Variants in RNF169 observed in about 807,000 individuals in gnomAD.
RNF169 encodes the protein ring finger protein 169, also known as E3 ubiquitin-protein ligase RNF169.
Under a neutral mutation model 53.9 loss-of-function variants are expected in RNF169, and 24 were observed. That is an observed-to-expected ratio of 0.45 (90% CI 0.32 to 0.63). The LOEUF is 0.63. Among genes scored for constraint, RNF169 ranks in the 20% least tolerant of loss-of-function variants. RNF169 has a pLI of 0.04. For synonymous variants in RNF169, 396 were observed against 363.5 expected (o/e 1.09, Z -1.02); for missense variants, 883 against 906.2 (o/e 0.97, Z 0.33).
At chr11:74,807,290 T>C (rs1243340119) in intron 2 of RNF169, among the ~76,000 whole-genome samples, 2 of 152,214 alleles carry the variant, frequency 1.3e-5, no homozygotes, top group Non-Finnish European at 2.9e-5. Flanking sequence ...TGGGAGCCAA[T>C]AGATACATGC....
chr11:74,752,573 G>A (rs1246943825), intron 1 of RNF169, among the ~76,000 whole-genome samples: 1 of 149,146 alleles, frequency 6.7e-6, no homozygotes. Context: ...CTCCAGCCTG[G>A]TGGCAGAGCA....
rs1026247393 is a variant in RNF169 at position 74,837,421 on chromosome 11, A to G, written c.*691A>G. On this transcript the variant is annotated 3_prime_UTR_variant, in exon 6 of 6. Coordinates refer to ENST00000299563, the MANE Select transcript of RNF169 (RefSeq NM_001098638.2). ...CAGTGCAGATGTTCTGGTTCTCTCA[A>G]CTACCAAGTGGCATAACCCATGGAT... 7 of 152,268 alleles carry G rather than the reference A, an allele frequency of 4.6e-5. No homozygotes were observed. The highest frequency in any genetic ancestry group is 2.0e-4 in the Admixed American group (3 of 15,286). 9.4% of individuals were successfully genotyped at this position (152,268 alleles called of 1,614,324 possible).
rs933462646 is a variant in RNF169 at position 74,837,245 on chromosome 11, A to G, written c.*515A>G. 6 of 153,076 alleles carry G rather than the reference A, an allele frequency of 3.9e-5. No individual in the cohort carries two copies. The South Asian group carries it at 1.2e-3, about 32-fold the overall frequency. 9.5% of individuals were successfully genotyped at this position (153,076 alleles called of 1,614,324 possible). Reference sequence around the variant, plus strand: ...ATATATCAGTTAAGATTATGCCTTTACAAAAGTTAATTTACATTCTCTGTT... The same window carrying G: ...ATATATCAGTTAAGATTATGCCTTTGCAAAAGTTAATTTACATTCTCTGTT... On this transcript the variant is annotated 3_prime_UTR_variant, in exon 6 of 6. Coordinates refer to ENST00000299563, the MANE Select transcript of RNF169 (RefSeq NM_001098638.2).
rs1245154568 is a variant in RNF169, at chr11:74,839,164, C to A, written c.*2434C>A. On this transcript the variant is annotated 3_prime_UTR_variant, in exon 6 of 6. Transcript: ENST00000299563. The stretch of plus-strand genomic sequence containing the variant: ...CTAGGTCCAGCTTACTGCCTTCCCC[C>A]CTTGTACCTACAGTGATGCCTAGGA... The A allele has an allele frequency of 6.6e-6, 1 of 152,114 alleles. No individual in the cohort carries two copies. Among genetic ancestry groups the A allele is most frequent in the African/African-American group, 2.4e-5 (1 of 41,408 alleles). 9.4% of individuals were successfully genotyped at this position (152,114 alleles called of 1,614,324 possible).
At chr11:74,774,514 A>T (rs745889862) in intron 1 of RNF169, among the ~76,000 whole-genome samples, 4 of 152,168 alleles carry the variant, frequency 2.6e-5, no homozygotes, top group African/African-American at 9.7e-5. Flanking sequence ...GATTCAACTT[A>T]CCCATTGAAC....
chr11:74,757,918 G>C (rs1383847732), intron 1 of RNF169, among the ~76,000 whole-genome samples: 2 of 73,636 alleles, frequency 2.7e-5, no homozygotes, highest in Non-Finnish European at 4.5e-5. Context: ...AGATGAGTAG[G>C]TTGCGAAAAT....
At chr11:74,829,441 T>C (rs2036144747) in intron 4 of RNF169, among the ~76,000 whole-genome samples, 1 of 152,170 alleles carries the variant, frequency 6.6e-6, no homozygotes, top group Admixed American at 6.5e-5. Context: ...TGGTGATTCC[T>C]CAAAAACCTA....
Position 74,836,484 on chromosome 11 carries a change from G to T in RNF169, c.1881G>T (p.Lys627Asn), listed in dbSNP as rs1565190060. ...GTCGAGGCCGGAAAAGACACTGCAA[G>T]ACCAAGCACTTAGAACAAAATGGCT... ...SLRRGRKRHC[K>N]TKHLEQNGSL... Residue 627 changes from lysine (K) to asparagine (N), a missense_variant, in exon 6 of 6, where the codon AAG (lysine) becomes AAT (asparagine). Lys to Asn is a moderately conservative substitution (Grantham distance 94). Around this residue, in one of 3 missense-constraint regions of RNF169, gnomAD observed 351 missense variants for 337.3 expected, o/e 1.04. Transcript: ENST00000299563. 1.9e-6 allele frequency: 3 copies of T among 1,614,190 alleles called. No individual in the cohort carries two copies. The highest frequency in any genetic ancestry group is 2.5e-6 in the Non-Finnish European group (3 of 1,180,036).
intron 4 of RNF169, among the ~76,000 whole-genome samples, chr11:74,818,316 C>CA (rs758090688): frequency 2.0e-5 from 3 of 152,136 alleles, no homozygotes; most frequent in Non-Finnish European, 2.9e-5. Context: ...AAGGAGGACT[C>CA]ATGCATACAT....
intron 1 of RNF169, among the ~76,000 whole-genome samples, chr11:74,750,712 T>A (rs1002333689): frequency 6.7e-6 from 1 of 148,946 alleles, no homozygotes; most frequent in Admixed American, 6.8e-5. Flanking sequence ...TTCAAGCGAT[T>A]CTCCTGCCGC....
Position 74,749,082 on chromosome 11 carries a change from T to C in RNF169, c.202T>C (p.Cys68Arg). The C allele has an allele frequency of 6.9e-7, 1 of 1,448,630 alleles. No homozygotes were observed. The highest frequency in any genetic ancestry group is 2.4e-5 in the Admixed American group (1 of 41,116). The allele number at this position is 1,448,630 out of a possible 1,614,324, so 89.7% of individuals were successfully genotyped here. Residue 68 changes from cysteine (C) to arginine (R), a missense_variant, in exon 1 of 6, where the codon TGC (cysteine) becomes CGC (arginine). Around this residue, in one of 3 missense-constraint regions of RNF169, gnomAD observed 313 missense variants for 279.9 expected, o/e 1.12. Coordinates refer to ENST00000299563, the MANE Select transcript of RNF169 (RefSeq NM_001098638.2). The part of the protein sequence containing the change: ...PLPPRPEESG[C>R]AGCLEPPGEA... ...GCCGCCGCGGCCGGAGGAATCGGGC[T>C]GCGCCGGGTGCCTGGAGCCCCCCGG...
At chr11:74,785,174 A>ATATATATATATGATATATATATGT (rs2035472791) in intron 1 of RNF169, among the ~76,000 whole-genome samples, 1 of 64,800 alleles carries the variant, frequency 1.5e-5, no homozygotes, top group African/African-American at 1.7e-4. Context: ...TATATATATG[A>ATATATATATATGATATATATATGT]TATATATATA....
At chr11:74,806,425 C>T (rs568117336) in intron 2 of RNF169, among the ~76,000 whole-genome samples, 17 of 152,276 alleles carry the variant, frequency 1.1e-4, no homozygotes, top group East Asian at 5.8e-4. Context: ...ACTGTGGCTG[C>T]GTACCTTATG....
At chr11:74,820,962 A>G (rs1463066266) in intron 4 of RNF169, among the ~76,000 whole-genome samples, 1 of 152,194 alleles carries the variant, frequency 6.6e-6, no homozygotes, top group Non-Finnish European at 1.5e-5. Context: ...AATGTGTGAC[A>G]TCACTGTTTT....
At position 74,840,143 on chromosome 11, in the gene RNF169, G is replaced by T. The variant is rs932291143; in HGVS notation, c.*3413G>T. On this transcript the variant is annotated 3_prime_UTR_variant, in exon 6 of 6. Coordinates refer to ENST00000299563, the MANE Select transcript of RNF169 (RefSeq NM_001098638.2). ...TGACTCATGTAGCTGATGACCGAAG[G>T]CTCATCCTTTCTTTTCTATTTGACA... 1 of 152,166 alleles carries T rather than the reference G, an allele frequency of 6.6e-6. No individual in the cohort carries two copies. Among genetic ancestry groups the T allele is most frequent in the Admixed American group, 6.5e-5 (1 of 15,284 alleles). 9.4% of individuals were successfully genotyped at this position (152,166 alleles called of 1,614,324 possible).
At chr11:74,769,368 T>G (rs2135323390) in intron 1 of RNF169, among the ~76,000 whole-genome samples, 1 of 152,346 alleles carries the variant, frequency 6.6e-6, no homozygotes, top group South Asian at 2.1e-4. Flanking sequence ...AATGAGCACC[T>G]ATATACTGCT....
intron 1 of RNF169, among the ~76,000 whole-genome samples, chr11:74,751,660 TATTC>T (rs2034897033): frequency 6.6e-6 from 1 of 152,260 alleles, no homozygotes; most frequent in Non-Finnish European, 1.5e-5. Flanking sequence ...AGTCACTTAG[TATTC>T]ATTAATTACT....
At chr11:74,765,375 A>G (rs1183142712) in intron 1 of RNF169, among the ~76,000 whole-genome samples, 2 of 152,274 alleles carry the variant, frequency 1.3e-5, no homozygotes, top group Non-Finnish European at 2.9e-5. Flanking sequence ...TTCGACACAT[A>G]TGAAAGATAT....
intron 1 of RNF169, among the ~76,000 whole-genome samples, chr11:74,778,092 T>C (rs2035363208): frequency 1.3e-5 from 2 of 152,224 alleles, no homozygotes; most frequent in African/African-American, 4.8e-5. Context: ...GTAAGATTCA[T>C]TTGGCAGTTG....
Sources: allele counts gnomAD v4.1 joint callset (sites outside exome capture counted in the v4.1 genomes callset), GRCh38; gene constraint gnomAD v4.1.1; regional missense constraint gnomAD v4.1.1; transcripts MANE v1.5; gene names NCBI Gene and HGNC (gene_info 2026-07-23, HGNC 2026-07-21).